Variants in BMERB1 observed in about 807,000 individuals in gnomAD.
BMERB1 encodes bMERB domain-containing protein 1.
A neutral mutation model predicts 23.6 loss-of-function variants in BMERB1; 12 were observed. The observed-to-expected ratio is 0.51, with a 90% CI of 0.33 to 0.82. BMERB1 has a LOEUF of 0.82. BMERB1 is among the 40% of genes least tolerant of loss of function. BMERB1 has a pLI of 0.03. For missense variants in BMERB1, 247 were observed against 255.4 expected, an observed-to-expected ratio of 0.97 and a Z score of 0.22; for synonymous variants, 122 against 96.6, an observed-to-expected ratio of 1.26 and a Z score of -1.54.
At chr16:15,546,991 A>G (rs1038342228) in intron 2 of BMERB1, among the ~76,000 whole-genome samples, 26 of 150,676 alleles carry the variant, frequency 1.7e-4, no homozygotes, top group Non-Finnish European at 3.2e-4. Flanking sequence ...CAGCCTTTGT[A>G]TAAGGGCACT....
intron 2 of BMERB1, among the ~76,000 whole-genome samples, chr16:15,537,662 T>A (rs1217376497): frequency 2.0e-5 from 3 of 148,632 alleles, no homozygotes; most frequent in Non-Finnish European, 4.5e-5. Context: ...CCGAGAAATA[T>A]ATATGTATTT....
chr16:15,534,270 ATT>A (rs1229991391), intron 2 of BMERB1, among the ~76,000 whole-genome samples: 2 of 95,910 alleles, frequency 2.1e-5, no homozygotes, highest in Non-Finnish European at 4.1e-5. Flanking sequence ...AAAGACCTTG[ATT>A]TTTTTTTTAA....
chr16:15,544,845 A>G (rs2052117298), intron 2 of BMERB1, among the ~76,000 whole-genome samples: 1 of 152,216 alleles, frequency 6.6e-6, no homozygotes, highest in African/African-American at 2.4e-5. Context: ...CTTTAAAGGA[A>G]AGAATTAGGA....
chr16:15,567,456 A>T (rs983326837), intron 2 of BMERB1, among the ~76,000 whole-genome samples: 2 of 152,170 alleles, frequency 1.3e-5, no homozygotes, highest in Non-Finnish European at 2.9e-5. Context: ...TGTTATTAAC[A>T]GTGACTGATG....
At chr16:15,494,648 C>G (rs1022950209) in intron 1 of BMERB1, among the ~76,000 whole-genome samples, 3 of 152,002 alleles carry the variant, frequency 2.0e-5, no homozygotes, top group Non-Finnish European at 4.4e-5. Context: ...TTGGAATAAC[C>G]AAAGTCATTC....
At chr16:15,517,635 T>C (rs1598488591) in intron 2 of BMERB1, among the ~76,000 whole-genome samples, 2 of 151,414 alleles carry the variant, frequency 1.3e-5, no homozygotes, top group Non-Finnish European at 2.9e-5. Context: ...CAAATACAAA[T>C]TAAAAATTTT....
intron 2 of BMERB1, among the ~76,000 whole-genome samples, chr16:15,555,229 C>G (rs930444404): frequency 1.3e-5 from 2 of 152,098 alleles, no homozygotes; most frequent in African/African-American, 2.4e-5. Flanking sequence ...GTACACACCA[C>G]CAGGCATAGC....
intron 1 of BMERB1, among the ~76,000 whole-genome samples, chr16:15,490,427 C>T (rs1225076035): frequency 6.6e-6 from 1 of 152,222 alleles, no homozygotes; most frequent in African/African-American, 2.4e-5. Flanking sequence ...GGACCACTGG[C>T]ATATGCCACC....
intron 3 of BMERB1, among the ~76,000 whole-genome samples, chr16:15,574,995 C>T (rs1943651880): frequency 6.6e-6 from 1 of 152,162 alleles, no homozygotes; most frequent in African/African-American, 2.4e-5. Context: ...AGGAGAATTG[C>T]TTGAACTCGG....
chr16:15,565,529 C>G (rs1014373771), intron 2 of BMERB1, among the ~76,000 whole-genome samples: 1 of 152,186 alleles, frequency 6.6e-6, no homozygotes, highest in Non-Finnish European at 1.5e-5. Context: ...GAGATGACAA[C>G]AATGCCCAAC....
At chr16:15,508,233 A>G (rs910489516) in intron 1 of BMERB1, among the ~76,000 whole-genome samples, 3 of 152,134 alleles carry the variant, frequency 2.0e-5, no homozygotes, top group Non-Finnish European at 4.4e-5. Flanking sequence ...AATGTTAGTT[A>G]TTATCGTTAC....
chr16:15,443,929 G>A (rs1255141612), intron 1 of BMERB1, among the ~76,000 whole-genome samples: 1 of 151,588 alleles, frequency 6.6e-6, no homozygotes, highest in South Asian at 2.1e-4. Context: ...AAAAAAAAAA[G>A]TGTGAAATTA....
At chr16:15,536,303 G>GC (rs912740694) in intron 2 of BMERB1, among the ~76,000 whole-genome samples, 1 of 151,896 alleles carries the variant, frequency 6.6e-6, no homozygotes, top group Admixed American at 6.6e-5. Context: ...ACCAACAGCA[G>GC]CCCCCCCGCC....
At chr16:15,548,920 G>T (rs1200699629) in intron 2 of BMERB1, among the ~76,000 whole-genome samples, 1 of 152,158 alleles carries the variant, frequency 6.6e-6, no homozygotes, top group Non-Finnish European at 1.5e-5. Flanking sequence ...TGAGACAGTG[G>T]TCCTAGTGGC....
chr16:15,439,351 A>G (rs140021886), intron 1 of BMERB1, among the ~76,000 whole-genome samples: 1 of 3,436 alleles, frequency 2.9e-4, no homozygotes, highest in Non-Finnish European at 0.025. Flanking sequence ...CTCTTGGAAG[A>G]TTAGATGAGA....
intron 2 of BMERB1, among the ~76,000 whole-genome samples, chr16:15,563,131 C>T (rs940880578): frequency 2.0e-5 from 3 of 152,142 alleles, no homozygotes; most frequent in African/African-American, 7.2e-5. Flanking sequence ...CCTGTAATCC[C>T]AGCACTTTGG....
At chr16:15,498,340 C>T (rs997965136) in intron 1 of BMERB1, among the ~76,000 whole-genome samples, 6 of 151,984 alleles carry the variant, frequency 3.9e-5, no homozygotes, top group African/African-American at 1.5e-4. Flanking sequence ...TTAAGATCAG[C>T]CTGGGTGACA....
At chr16:15,513,245 G>A (rs1433799522) in intron 1 of BMERB1, among the ~76,000 whole-genome samples, 2 of 152,262 alleles carry the variant, frequency 1.3e-5, no homozygotes, top group East Asian at 3.9e-4. Flanking sequence ...CATTCTTACG[G>A]TGAAAATAAT....
At chr16:15,551,705 C>A (rs370321088) in intron 2 of BMERB1, among the ~76,000 whole-genome samples, 52 of 152,206 alleles carry the variant, frequency 3.4e-4, no homozygotes, top group African/African-American at 1.2e-3. Context: ...GAGACTGGGT[C>A]ATTTATAAAG....
Sources: gnomAD v4.1 joint callset for allele counts (sites outside exome capture counted in the v4.1 genomes callset) on GRCh38, gnomAD v4.1.1 for gene constraint, MANE v1.5 for transcripts, NCBI Gene and HGNC (gene_info 2026-07-23, HGNC 2026-07-21) for gene names.